The following SLC12A1 variants were observed in gnomAD, a reference collection of about 807,000 sequenced individuals.
SLC12A1 encodes the protein Na-K-2Cl cotransporter.
A neutral mutation model predicts 130.4 loss-of-function variants in SLC12A1; 89 were observed. The ratio of observed to expected loss-of-function variants is 0.68; its 90% CI spans 0.58 to 0.81. The LOEUF (loss-of-function observed/expected upper bound fraction) is 0.81. SLC12A1 is among the 40% of genes least tolerant of loss of function. SLC12A1 has a pLI of 0.00. For missense variants in SLC12A1, 1,310 were observed against 1,336.4 expected (o/e 0.98, Z 0.31); for synonymous variants, 499 against 460.0 (o/e 1.08, Z -1.09).
chr15:48,301,634 C>T (rs772134205), intron 26 of SLC12A1, among the ~76,000 whole-genome samples: 43 of 151,842 alleles, frequency 2.8e-4, no homozygotes, highest in Non-Finnish European at 5.3e-4. Context: ...TATGAAGAGG[C>T]GTGTGCCCAT....
chr15:48,207,183 C>T (rs974033059), intron 1 of SLC12A1, among the ~76,000 whole-genome samples: 3 of 152,108 alleles, frequency 2.0e-5, no homozygotes, highest in Non-Finnish European at 2.9e-5. Context: ...TGTCAGTGAA[C>T]TGTGTCTTAG....
Position 48,220,783 on chromosome 15 carries a change from T to C in SLC12A1, c.552+18T>C. The C allele has an allele frequency of 6.2e-7, 1 of 1,613,808 alleles. No homozygotes were observed. The highest frequency in any genetic ancestry group is 8.5e-7 in the Non-Finnish European group (1 of 1,179,820). On this transcript the variant is annotated intron_variant, in intron 3 of 26. Coordinates refer to ENST00000380993, the MANE Select transcript of SLC12A1 (RefSeq NM_000338.3). ...GTGTGCTGGTGAGAAAGCTCTTCTG[T>C]TTACAAATGAAAACTATCCATTCAA...
At chr15:48,237,622 T>C (rs1243475902) in intron 9 of SLC12A1, among the ~76,000 whole-genome samples, 3 of 152,240 alleles carry the variant, frequency 2.0e-5, no homozygotes, top group Non-Finnish European at 4.4e-5. Context: ...TGTTGCATTC[T>C]TTTTATTTAA....
chr15:48,238,954 T>C (rs2041470000), intron 9 of SLC12A1, among the ~76,000 whole-genome samples: 1 of 152,142 alleles, frequency 6.6e-6, no homozygotes, highest in African/African-American at 2.4e-5. Flanking sequence ...AGAAGCAAAA[T>C]TGGGATGTGG....
chr15:48,292,915 G>C (rs1437678519), intron 24 of SLC12A1, among the ~76,000 whole-genome samples: 1 of 151,894 alleles, frequency 6.6e-6, no homozygotes, highest in Non-Finnish European at 1.5e-5. Flanking sequence ...ATTTTTGGGG[G>C]TTTTGTGGGG....
chr15:48,257,791 G>C (rs2041724672), intron 16 of SLC12A1, among the ~76,000 whole-genome samples: 2 of 152,190 alleles, frequency 1.3e-5, no homozygotes, highest in Non-Finnish European at 2.9e-5. Context: ...GAAGTTCTCT[G>C]ACATGCCCCG....
At chr15:48,285,560 G>A (rs1291125106) in intron 21 of SLC12A1, among the ~76,000 whole-genome samples, 1 of 152,190 alleles carries the variant, frequency 6.6e-6, no homozygotes, top group African/African-American at 2.4e-5. Context: ...ATGGAAAGGG[G>A]ATAGAAATTT....
chr15:48,297,382 T>C (rs2042188076), intron 24 of SLC12A1, among the ~76,000 whole-genome samples: 1 of 152,220 alleles, frequency 6.6e-6, no homozygotes, highest in African/African-American at 2.4e-5. Context: ...TGTGCCCACC[T>C]GGCCAATTAC....
intron 10 of SLC12A1, among the ~76,000 whole-genome samples, chr15:48,243,349 C>A (rs1300183241): frequency 1.3e-5 from 2 of 152,028 alleles, no homozygotes; most frequent in Non-Finnish European, 2.9e-5. Flanking sequence ...TTTAAAATGG[C>A]TCTTTCAGAT....
At chr15:48,291,564 GT>G (rs1282812984) in intron 23 of SLC12A1, among the ~76,000 whole-genome samples, 1 of 152,116 alleles carries the variant, frequency 6.6e-6, no homozygotes, top group Non-Finnish European at 1.5e-5. Context: ...ACCTACAGGG[GT>G]TTCTTTATGC....
At chr15:48,239,338 G>A (rs996541988) in intron 9 of SLC12A1, among the ~76,000 whole-genome samples, 8 of 151,742 alleles carry the variant, frequency 5.3e-5, no homozygotes, top group African/African-American at 1.5e-4. Context: ...TGGCAAAACC[G>A]TGTCTCTACA....
At chr15:48,251,857 CT>C in intron 15 of SLC12A1, 87 bp downstream of exon 15, 1 of 1,137,858 alleles carries the variant, frequency 8.8e-7, no homozygotes, top group Non-Finnish European at 1.3e-6. Flanking sequence ...CTTCTATGGG[CT>C]TAGGTGAGGC....
intron 16 of SLC12A1, among the ~76,000 whole-genome samples, chr15:48,256,153 C>CCCA (rs2041704981): frequency 6.6e-6 from 1 of 152,156 alleles, no homozygotes; most frequent in African/African-American, 2.4e-5. Context: ...ACCTTCCATG[C>CCCA]GTGGAGATAG....
intron 17 of SLC12A1, among the ~76,000 whole-genome samples, chr15:48,259,615 G>A (rs538478070): frequency 2.6e-5 from 4 of 152,184 alleles, no homozygotes; most frequent in African/African-American, 9.6e-5. Flanking sequence ...AGGCATTTGG[G>A]GTGATAACTG....
rs142775400 is a variant in SLC12A1, at chr15:48,284,639, C to CT, written c.2486-462dup. 4.2e-3 allele frequency among the ~76,000 whole-genome samples: 637 copies of CT among 152,250 alleles called. 1 individual carries two copies. Among genetic ancestry groups the CT allele is most frequent in the Non-Finnish European group, 7.5e-3 (513 of 68,010 alleles). On this transcript the variant is annotated intron_variant, in intron 20 of 26. Coordinates refer to ENST00000380993, the MANE Select transcript of SLC12A1 (RefSeq NM_000338.3). ...GAATACAATTTACTAAGATACATTA[C>CT]TTTTTCTCTTTTCTTTTGGAGACAC...
At chr15:48,255,366 A>G (rs2041694753) in intron 15 of SLC12A1, among the ~76,000 whole-genome samples, 1 of 148,970 alleles carries the variant, frequency 6.7e-6, no homozygotes, top group Non-Finnish European at 1.5e-5. Flanking sequence ...TGAACCCGGG[A>G]GGTGGAGGTT....
At chr15:48,299,440 A>T (rs1302884361) in intron 25 of SLC12A1, among the ~76,000 whole-genome samples, 165 bp downstream of exon 25, 3 of 152,246 alleles carry the variant, frequency 2.0e-5, no homozygotes, top group African/African-American at 7.2e-5. Context: ...ACTGGATACG[A>T]TTATTTAGAA....
chr15:48,267,610 A>C lies in SLC12A1; in HGVS notation c.2204A>C (p.Lys735Thr). Residue 735 changes from lysine to threonine, a missense_variant, in exon 18 of 27, where the codon AAA becomes ACA. Lys to Thr is a moderately conservative substitution (Grantham distance 78). Transcript: ENST00000380993. ...GAGATGAACAGTGGCATGGCGAAAA[A>C]ACAGGCCTGGCTTATAAAGAACAAA... The part of the protein sequence containing the change: ...VKEMNSGMAK[K>T]QAWLIKNKIK... The C allele has an allele frequency of 6.2e-7, 1 of 1,613,632 alleles. No individual in the cohort carries two copies. The highest frequency in any genetic ancestry group is 8.5e-7 in the Non-Finnish European group (1 of 1,179,620).
intron 5 of SLC12A1, chr15:48,227,820 C>T (rs2041311870): frequency 6.6e-6 from 1 of 152,624 alleles, no homozygotes; most frequent in Non-Finnish European, 1.5e-5. Context: ...TACTCAGGGC[C>T]TTCTAAAACA....
Sources: gnomAD v4.1 joint callset for allele counts (sites outside exome capture counted in the v4.1 genomes callset) on GRCh38, gnomAD v4.1.1 for gene constraint, MANE v1.5 for transcripts, NCBI Gene and HGNC (gene_info 2026-07-23, HGNC 2026-07-21) for gene names.